BPHL: variants seen among roughly 807,000 people sequenced by gnomAD.
The protein encoded by BPHL is biphenyl hydrolase like.
In BPHL, 27 loss-of-function variants were observed where a neutral mutation model predicts 31.2. The ratio of observed to expected loss-of-function variants is 0.87; its 90% CI spans 0.64 to 1.19. The LOEUF (loss-of-function observed/expected upper bound fraction) is 1.19. Among genes scored for constraint, BPHL ranks in the 50% most tolerant of loss-of-function variants. The pLI is 0.00. For missense variants in BPHL, 356 were observed against 375.7 expected (o/e 0.95, Z 0.43); for synonymous variants, 150 against 146.8 (o/e 1.02, Z -0.16).
intron 4 of BPHL, 141 bp from the exon 5 acceptor site, chr6:3,137,221 G>C (rs1024579231): frequency 1.8e-6 from 2 of 1,125,142 alleles, no homozygotes; most frequent in Non-Finnish European, 2.5e-6. Context: ...GGGCTAAGCC[G>C]AGCAGAGGGA....
At chr6:3,127,047 A>AG in intron 2 of BPHL, 195 bp from the exon 3 acceptor site, 1 of 394,344 alleles carries the variant, frequency 2.5e-6, no homozygotes, top group East Asian at 3.7e-5. Context: ...CTAGGATTAC[A>AG]GGCGCACCCG....
chr6:3,121,303 T>C (rs1761566317), intron 1 of BPHL, among the ~76,000 whole-genome samples: 1 of 137,600 alleles, frequency 7.3e-6, no homozygotes, highest in South Asian at 2.5e-4. Context: ...TTTTTTTTTT[T>C]TTTTTTTTTT....
In BPHL at chr6:3,119,558, T is replaced by G. The variant is rs752979758; in HGVS notation, c.107+711T>G. On this transcript the variant is annotated intron_variant, in intron 1 of 6. Coordinates refer to ENST00000380379, the MANE Select transcript of BPHL (RefSeq NM_004332.4). ...CTGGATTAATTTCTGACCTTCTGTC[T>G]TGAAAATGGATACTCTTGGTCCCAA... The G allele has an allele frequency of 4.3e-6, 7 of 1,610,136 alleles. No homozygotes were observed. In the East Asian group the frequency reaches 1.3e-4, roughly 31 times the overall value.
intron 1 of BPHL, among the ~76,000 whole-genome samples, chr6:3,120,117 T>C (rs2113741034): frequency 6.6e-6 from 1 of 152,260 alleles, no homozygotes; most frequent in South Asian, 2.1e-4. Context: ...CACTGCAACC[T>C]CTGCCTCCCA....
rs754603639 is a variant in BPHL, at chr6:3,137,535, G to C, written c.664+42G>C. The C allele has an allele frequency of 4.3e-6, 7 of 1,610,138 alleles. No homozygotes were observed. The South Asian group carries it at 7.7e-5, about 18-fold the overall frequency. ...GAAGGGCTCTCTGCCTGTTATAGAG[G>C]GTGCTCGAGTTCCTCCCCAGTGTTC... is the stretch of plus-strand genomic sequence containing the variant. On this transcript the variant is annotated intron_variant, in intron 5 of 6. Transcript: ENST00000380379.
At chr6:3,119,859 T>G (rs1422682878) in intron 1 of BPHL, among the ~76,000 whole-genome samples, 3 of 152,222 alleles carry the variant, frequency 2.0e-5, no homozygotes, top group African/African-American at 4.8e-5. Flanking sequence ...AATTTCATAT[T>G]GCAATTGACT....
chr6:3,129,813 T>G (rs1022651666), intron 4 of BPHL, among the ~76,000 whole-genome samples: 2 of 151,866 alleles, frequency 1.3e-5, no homozygotes, highest in Admixed American at 1.3e-4. Context: ...AGGTTTTTTT[T>G]TTTTTTTTTT....
At chr6:3,136,654 G>A (rs77799358) in intron 4 of BPHL, among the ~76,000 whole-genome samples, 2,796 of 152,314 alleles carry the variant, frequency 0.018, 66 homozygotes, top group East Asian at 0.077. Flanking sequence ...CATGTGTAAC[G>A]TGTAGCTCTC....
At chr6:3,127,993 G>C (rs1761765084) in intron 3 of BPHL, among the ~76,000 whole-genome samples, 1 of 151,984 alleles carries the variant, frequency 6.6e-6, no homozygotes, top group Non-Finnish European at 1.5e-5. Context: ...GCTAATTTTT[G>C]TATTTTTAGT....
At chr6:3,132,094 A>G (rs73718965) in intron 4 of BPHL, among the ~76,000 whole-genome samples, 3,616 of 152,020 alleles carry the variant, frequency 0.024, 134 homozygotes, top group African/African-American at 0.083. Flanking sequence ...TTACTCTCTG[A>G]CGTCTCGCTA....
intron 5 of BPHL, chr6:3,137,957 T>G: frequency 2.4e-6 from 3 of 1,260,116 alleles, no homozygotes; most frequent in Non-Finnish European, 3.1e-6. Context: ...GAAGAAAATA[T>G]TCTGTTTTTT....
rs555955423 is a variant in BPHL, at chr6:3,138,003, G to C, written c.664+510G>C. On this transcript the variant is annotated intron_variant, in intron 5 of 6. Transcript: ENST00000380379. ...AACTAAGTGATATGACTGTAACCAT[G>C]AACAATGCACAAATGTCTCCTATTC... is the stretch of plus-strand genomic sequence containing the variant. 4.9e-5 allele frequency: 63 copies of C among 1,280,546 alleles called. No individual in the cohort carries two copies. The African/African-American group carries it at 8.4e-4, about 17-fold the overall frequency. 79.3% of individuals were successfully genotyped at this position (1,280,546 alleles called of 1,614,324 possible). A position where few individuals can be genotyped will look rare whatever the true frequency, so the allele number is the denominator to read the frequency against.
rs1292329349 is a variant in BPHL at position 3,140,540 on chromosome 6, C to G, written c.788+31C>G. ...TCCTGTCACCGCCTTCACACTCCCCCCGAGAGCCTCGGAGTCAATGGGCAA... is the reference window on the plus strand; with the variant it reads ...TCCTGTCACCGCCTTCACACTCCCCGCGAGAGCCTCGGAGTCAATGGGCAA... On this transcript the variant is annotated intron_variant, in intron 6 of 6. Transcript: ENST00000380379. This position sits in a 1 kb window ranked among gnomAD's most constrained non-coding sequence, Gnocchi z 5.2. 1 of 1,610,946 alleles carries G rather than the reference C, an allele frequency of 6.2e-7. No homozygotes were observed. The highest frequency in any genetic ancestry group is 2.2e-5 in the East Asian group (1 of 44,858).
intron 6 of BPHL, among the ~76,000 whole-genome samples, chr6:3,143,469 C>A (rs1762233364): frequency 6.6e-6 from 1 of 152,142 alleles, no homozygotes; most frequent in African/African-American, 2.4e-5. Context: ...AGCAAAGAGG[C>A]CTTAGAGATC....
intron 1 of BPHL, chr6:3,119,660 A>T: frequency 9.0e-7 from 1 of 1,109,666 alleles, no homozygotes; most frequent in Non-Finnish European, 1.3e-6. Flanking sequence ...CCCTACACAC[A>T]TGCAAACACA....
chr6:3,129,341 T>C (rs1022417415), intron 4 of BPHL, 143 bp downstream of exon 4: 25 of 1,180,250 alleles, frequency 2.1e-5, no homozygotes, highest in Admixed American at 3.4e-5. Flanking sequence ...TAACGAGTTC[T>C]CAGAAAAGTA....
Position 3,119,007 on chromosome 6 carries a change from T to C in BPHL, c.107+160T>C, listed in dbSNP as rs188531969. Among the ~76,000 whole-genome samples the C allele has an allele frequency of 6.1e-3, 930 of 152,080 alleles. 18 individuals carry two copies. The highest frequency in any genetic ancestry group is 0.022 in the African/African-American group (906 of 41,442). On this transcript the variant is annotated intron_variant, in intron 1 of 6. Coordinates refer to ENST00000380379, the MANE Select transcript of BPHL (RefSeq NM_004332.4). ...CCTTTGTGCCGCGAGACCCCGATCCTGGGGGCCAGCCGCGCTTGGTGCTCG... is the reference window on the plus strand; with the variant it reads ...CCTTTGTGCCGCGAGACCCCGATCCCGGGGGCCAGCCGCGCTTGGTGCTCG...
intron 6 of BPHL, among the ~76,000 whole-genome samples, chr6:3,151,467 A>G (rs1017657681): frequency 6.6e-6 from 1 of 152,054 alleles, no homozygotes; most frequent in Non-Finnish European, 1.5e-5. Context: ...CCCACCCCCA[A>G]TGTGGTGGCT....
chr6:3,118,891 G>C (rs1416902730), intron 1 of BPHL, 44 bp downstream of exon 1: 3 of 1,221,472 alleles, frequency 2.5e-6, no homozygotes, highest in Non-Finnish European at 3.1e-6. Context: ...GCATCGGCGC[G>C]CTCGAGGGGC....
Sources: allele counts gnomAD v4.1 joint callset (sites outside exome capture counted in the v4.1 genomes callset), GRCh38; gene constraint gnomAD v4.1.1; non-coding constraint Gnocchi (gnomAD v3.1); transcripts MANE v1.5; gene names NCBI Gene and HGNC (gene_info 2026-07-23, HGNC 2026-07-21).